Variants in ACTR3B observed in about 807,000 individuals in gnomAD.
ACTR3B encodes the protein actin related protein 3B.
A neutral mutation model predicts 59.0 loss-of-function variants in ACTR3B; 8 were observed. That is an observed-to-expected ratio of 0.14 (90% CI 0.08 to 0.24). ACTR3B has a LOEUF of 0.24. ACTR3B is among the 10% of genes least tolerant of loss of function. The pLI, the probability that ACTR3B is intolerant of heterozygous loss-of-function variation, is 1.00. For synonymous variants in ACTR3B, 148 were observed against 197.9 expected (o/e 0.75, Z 2.12); for missense variants, 245 against 552.3 (o/e 0.44, Z 5.58).
chr7:152,852,043 C>T (rs1333855105), intron 9 of ACTR3B, 83 bp from the exon 10 acceptor site: 5 of 1,577,626 alleles, frequency 3.2e-6, no homozygotes, highest in Non-Finnish European at 3.5e-6. Flanking sequence ...GCGATTGGAC[C>T]TGTGGGAGTT....
In ACTR3B at chr7:152,769,536, G is replaced by A. The variant is rs185950387; in HGVS notation, c.44+9610G>A. On this transcript the variant is annotated intron_variant, in intron 1 of 11. Coordinates refer to ENST00000256001, the MANE Select transcript of ACTR3B (RefSeq NM_020445.6). ...GCTTTTTAGTCAATATGAAAATGTT[G>A]CCTTTTGTTGGATGACTTAAGCTCA... Among the ~76,000 whole-genome samples, 10 of 152,064 alleles carry A rather than the reference G, an allele frequency of 6.6e-5. No individual in the cohort carries two copies. In the East Asian group the frequency reaches 1.9e-3, roughly 29 times the overall value.
At chr7:152,818,641 G>T (rs1159944336) in intron 6 of ACTR3B, among the ~76,000 whole-genome samples, 1 of 152,198 alleles carries the variant, frequency 6.6e-6, no homozygotes, top group South Asian at 2.1e-4. Context: ...TAGAGATGGG[G>T]TTTCTCCATA....
At chr7:152,827,584 C>T (rs1021442493) in intron 9 of ACTR3B, among the ~76,000 whole-genome samples, 42 of 151,554 alleles carry the variant, frequency 2.8e-4, no homozygotes, top group African/African-American at 9.7e-4. Context: ...GTGTGGTCGG[C>T]AGTAGGCTCC....
At chr7:152,766,270 A>C (rs989183540) in intron 1 of ACTR3B, among the ~76,000 whole-genome samples, 2 of 152,250 alleles carry the variant, frequency 1.3e-5, no homozygotes, top group African/African-American at 2.4e-5. Flanking sequence ...TTCCTCCAGC[A>C]TCAGGCTGTG....
Position 152,793,022 on chromosome 7 carries a change from A to AT in ACTR3B, c.101-7489dup, listed in dbSNP as rs529256740. On this transcript the variant is annotated intron_variant, in intron 2 of 11. Transcript: ENST00000256001. ...GATGAGAAATGTCCTTAGAAGCTGA[A>AT]TTTTTTTTTTTTTTTTTTTTGGTCT... Among the ~76,000 whole-genome samples, 820 of 104,760 alleles carry AT rather than the reference A, an allele frequency of 7.8e-3. 6 individuals carry two copies. Among genetic ancestry groups the AT allele is most frequent in the South Asian group, 0.017 (56 of 3,322 alleles). 68.7% of individuals were successfully genotyped at this position (104,760 alleles called of 152,430 possible).
chr7:152,816,256 T>C (rs1460462698), intron 5 of ACTR3B, among the ~76,000 whole-genome samples: 2 of 152,174 alleles, frequency 1.3e-5, no homozygotes, highest in Non-Finnish European at 2.9e-5. Flanking sequence ...CACGTTTCTT[T>C]ATTGAAAACT....
chr7:152,799,065 C>G (rs1255297917), intron 2 of ACTR3B, among the ~76,000 whole-genome samples: 3 of 152,152 alleles, frequency 2.0e-5, no homozygotes, highest in Admixed American at 2.0e-4. Context: ...TGTACTGACT[C>G]TGTACCTCAC....
intron 9 of ACTR3B, among the ~76,000 whole-genome samples, chr7:152,844,249 G>A (rs1291182620): frequency 1.3e-5 from 2 of 151,920 alleles, no homozygotes; most frequent in African/African-American, 4.8e-5. Flanking sequence ...GTAGAGATGG[G>A]GTTTCACCAT....
At chr7:152,761,067 GTTCC>G (rs2098087947) in intron 1 of ACTR3B, among the ~76,000 whole-genome samples, 1 of 152,188 alleles carries the variant, frequency 6.6e-6, no homozygotes, top group South Asian at 2.1e-4. Context: ...CCTACTGTTA[GTTCC>G]TTCCTTTTGC....
chr7:152,778,943 C>CAAAAAAA lies in ACTR3B; in HGVS notation c.45-4208_45-4202dup, dbSNP rs59789390. ...GGGTGACAGAGTGAGACTGTGTCTC[C>CAAAAAAA]AAAAAAAAAAAAAAAAAAAAAAAAA... On this transcript the variant is annotated intron_variant, in intron 1 of 11. Transcript: ENST00000256001. 4.1e-4 allele frequency among the ~76,000 whole-genome samples: 15 copies of CAAAAAAA among 36,826 alleles called. 2 individuals are homozygous for CAAAAAAA. The highest frequency in any genetic ancestry group is 5.1e-4 in the African/African-American group (4 of 7,914). 24.2% of individuals were successfully genotyped at this position (36,826 alleles called of 152,430 possible).
At chr7:152,849,687 T>G (rs1798640835) in intron 9 of ACTR3B, among the ~76,000 whole-genome samples, 1 of 152,280 alleles carries the variant, frequency 6.6e-6, no homozygotes, top group Non-Finnish European at 1.5e-5. Flanking sequence ...AAACACTTGT[T>G]GCAGTGAAAG....
chr7:152,821,173 A>G (rs889923667), intron 7 of ACTR3B, among the ~76,000 whole-genome samples: 1 of 152,126 alleles, frequency 6.6e-6, no homozygotes, highest in African/African-American at 2.4e-5. Flanking sequence ...GGTCCCTTCC[A>G]TCTCAGGGGA....
chr7:152,795,635 T>C (rs2098213648), intron 2 of ACTR3B, among the ~76,000 whole-genome samples: 1 of 152,278 alleles, frequency 6.6e-6, no homozygotes, highest in South Asian at 2.1e-4. Context: ...ACTTTTATTA[T>C]GTTTGTTTAG....
At chr7:152,783,715 G>A (rs909266583) in intron 2 of ACTR3B, among the ~76,000 whole-genome samples, 1 of 151,928 alleles carries the variant, frequency 6.6e-6, no homozygotes, top group African/African-American at 2.4e-5. Flanking sequence ...TAACAGAAGT[G>A]TCCTTGCAGT....
At chr7:152,805,804 G>C (rs554965688) in intron 4 of ACTR3B, among the ~76,000 whole-genome samples, 17 of 152,258 alleles carry the variant, frequency 1.1e-4, no homozygotes, top group African/African-American at 4.1e-4. Context: ...GTATGTTGTC[G>C]CCTCCTCTCC....
intron 4 of ACTR3B, 108 bp downstream of exon 4, chr7:152,801,839 T>C: frequency 5.4e-6 from 3 of 552,956 alleles, no homozygotes; most frequent in Non-Finnish European, 9.0e-6. Context: ...TCTAAAGATA[T>C]GTGCATGAAT....
chr7:152,785,203 A>G (rs2098167419), intron 2 of ACTR3B, among the ~76,000 whole-genome samples: 1 of 151,430 alleles, frequency 6.6e-6, no homozygotes, highest in Non-Finnish European at 1.5e-5. Flanking sequence ...CATCATTAAT[A>G]GAGACGGGAA....
chr7:152,780,674 A>G (rs2116598780), intron 1 of ACTR3B, among the ~76,000 whole-genome samples: 1 of 151,542 alleles, frequency 6.6e-6, no homozygotes, highest in African/African-American at 2.4e-5. Flanking sequence ...GAAATGAGGC[A>G]TAGTTGTTGA....
rs1203201845 is a variant in ACTR3B at position 152,778,519 on chromosome 7, G to A, written c.45-4668G>A. 2.0e-5 allele frequency among the ~76,000 whole-genome samples: 3 copies of A among 152,032 alleles called. 1 individual carries two copies. Among genetic ancestry groups the A allele is most frequent in the South Asian group, 4.1e-4 (2 of 4,820 alleles). On this transcript the variant is annotated intron_variant, in intron 1 of 11. Transcript: ENST00000256001. ...CCCAAAGTGCTGGGATTACAGGTGT[G>A]AGCCACTGTGCCTGGCCTTTTTTCA...
Sources: gnomAD v4.1 joint callset for allele counts (sites outside exome capture counted in the v4.1 genomes callset) on GRCh38, gnomAD v4.1.1 for gene constraint, MANE v1.5 for transcripts, NCBI Gene and HGNC (gene_info 2026-07-23, HGNC 2026-07-21) for gene names.